MSI2: variants seen among roughly 807,000 people sequenced by gnomAD.
MSI2 encodes the protein RNA-binding protein Musashi homolog 2.
MSI2 carries 17 observed loss-of-function variants against 45.6 expected under a neutral mutation model. The ratio of observed to expected loss-of-function variants is 0.37; its 90% CI spans 0.26 to 0.56. MSI2 has a LOEUF of 0.56. MSI2 is among the 20% of genes least tolerant of loss of function. The probability of loss-of-function intolerance (pLI) is 0.77; values close to 1 mark genes in which losing one functional copy is unlikely to be tolerated. For synonymous variants in MSI2, 156 were observed against 158.2 expected (o/e 0.99, Z 0.11); for missense variants, 293 against 444.2 (o/e 0.66, Z 3.06).
intron 5 of MSI2, chr17:57,265,351 T>C (rs1907675018): frequency 6.6e-6 from 1 of 152,198 alleles, no homozygotes; most frequent in Non-Finnish European, 1.5e-5. Flanking sequence ...AATGAGTTTC[T>C]CTGCTTTCTG....
At chr17:57,555,441 C>T (rs148049554) in intron 7 of MSI2, among the ~76,000 whole-genome samples, 24 of 152,306 alleles carry the variant, frequency 1.6e-4, no homozygotes, top group African/African-American at 5.3e-4. Context: ...GCCTACCTCT[C>T]CATTCCCTGT....
chr17:57,682,447 A>G lies in MSI2; in HGVS notation c.*2930A>G, dbSNP rs998374576. 5.2e-6 allele frequency: 1 copy of G among 192,538 alleles called. No homozygotes were observed. Among genetic ancestry groups the G allele is most frequent in the African/African-American group, 2.3e-5 (1 of 42,964 alleles). 11.9% of individuals were successfully genotyped at this position (192,538 alleles called of 1,614,324 possible). On this transcript the variant is annotated 3_prime_UTR_variant, in exon 14 of 14. Transcript: ENST00000284073. Reference sequence around the variant, plus strand: ...ATGGTATATTAAAATGATTTTACTAAGAGAAAAAATATTTTTTTAAGAATG... The same window carrying G: ...ATGGTATATTAAAATGATTTTACTAGGAGAAAAAATATTTTTTTAAGAATG...
At chr17:57,664,432 T>C (rs1333180388) in intron 11 of MSI2, among the ~76,000 whole-genome samples, 6 of 151,924 alleles carry the variant, frequency 3.9e-5, no homozygotes, top group African/African-American at 1.5e-4. Context: ...GCAGGAGAAT[T>C]ACTTGAACCC....
intron 8 of MSI2, among the ~76,000 whole-genome samples, chr17:57,604,940 A>C (rs1906374981): frequency 1.6e-5 from 2 of 128,988 alleles, no homozygotes; most frequent in African/African-American, 2.9e-5. Context: ...ACCAGCCCAA[A>C]AGTGGTGGGT....
chr17:57,578,799 T>C (rs544807094), intron 7 of MSI2, among the ~76,000 whole-genome samples: 2 of 152,178 alleles, frequency 1.3e-5, no homozygotes, highest in South Asian at 4.2e-4. Flanking sequence ...CAGTAACAAA[T>C]CATTATAAAC....
the MSI2 span, among the ~76,000 whole-genome samples, chr17:57,698,927 G>GCA: frequency 7.2e-6 from 1 of 139,494 alleles, no homozygotes; most frequent in African/African-American, 3.3e-5. Flanking sequence ...GTGTGTGTGT[G>GCA]TGTGTGTGTG....
At chr17:57,261,227 G>C (rs1907275961) in intron 4 of MSI2, among the ~76,000 whole-genome samples, 1 of 152,166 alleles carries the variant, frequency 6.6e-6, no homozygotes, top group Non-Finnish European at 1.5e-5. Flanking sequence ...GCTAGACCCT[G>C]ATTGAGCATC....
intron 5 of MSI2, among the ~76,000 whole-genome samples, chr17:57,297,414 A>G (rs1387541412): frequency 2.0e-5 from 3 of 152,146 alleles, no homozygotes; most frequent in Non-Finnish European, 4.4e-5. Context: ...CCTAAAAAAC[A>G]ATGTGCATGC....
At position 57,427,425 on chromosome 17, in the gene MSI2, T is replaced by C. The variant is rs571411127; in HGVS notation, c.405+25954T>C. ...AAAAAAAAAAATAAATAAAAGAAAATAAAAGAAAAAATGTAAAGGCAGGAA... is the reference window on the plus strand; with the variant it reads ...AAAAAAAAAAATAAATAAAAGAAAACAAAAGAAAAAATGTAAAGGCAGGAA... On this transcript the variant is annotated intron_variant, in intron 6 of 13. Coordinates refer to ENST00000284073, the MANE Select transcript of MSI2 (RefSeq NM_138962.4). Among the ~76,000 whole-genome samples the C allele has an allele frequency of 5.3e-5, 8 of 150,362 alleles. No individual in the cohort carries two copies. In the South Asian group the frequency reaches 1.3e-3, roughly 24 times the overall value.
chr17:57,456,038 GC>G (rs1215777277), intron 6 of MSI2, among the ~76,000 whole-genome samples: 4 of 152,236 alleles, frequency 2.6e-5, no homozygotes, highest in Non-Finnish European at 5.9e-5. Flanking sequence ...CGCAGAGACA[GC>G]CCTCTTGAAA....
intron 6 of MSI2, among the ~76,000 whole-genome samples, chr17:57,467,607 G>T (rs1042282006): frequency 6.6e-6 from 1 of 152,106 alleles, no homozygotes; most frequent in African/African-American, 2.4e-5. Context: ...AAGAGGGATG[G>T]TGAGCACCTG....
At chr17:57,372,221 C>G (rs969900790) in intron 5 of MSI2, among the ~76,000 whole-genome samples, 1 of 152,176 alleles carries the variant, frequency 6.6e-6, no homozygotes, top group Non-Finnish European at 1.5e-5. Flanking sequence ...GCAAAGCTCT[C>G]TCTTTCGGGT....
intron 5 of MSI2, among the ~76,000 whole-genome samples, chr17:57,294,243 C>T (rs930690223): frequency 6.6e-6 from 1 of 152,126 alleles, no homozygotes; most frequent in African/African-American, 2.4e-5. Flanking sequence ...TCCGGTACCT[C>T]CTTTATCATA....
intron 6 of MSI2, among the ~76,000 whole-genome samples, chr17:57,512,964 CTTCCTTTT>C (rs1358561069): frequency 1.4e-4 from 6 of 44,278 alleles, no homozygotes; most frequent in African/African-American, 3.5e-4. Context: ...GAATTAGCTT[CTTCCTTTT>C]TTTTTTTTTT....
intron 5 of MSI2, among the ~76,000 whole-genome samples, chr17:57,371,180 A>G (rs2143961279): frequency 6.6e-6 from 1 of 152,362 alleles, no homozygotes; most frequent in East Asian, 1.9e-4. Flanking sequence ...ATTAAAAAAC[A>G]GAATAAAACA....
the MSI2 span, among the ~76,000 whole-genome samples, chr17:57,690,095 C>T: frequency 1.3e-5 from 2 of 150,676 alleles, no homozygotes; most frequent in African/African-American, 2.4e-5. Flanking sequence ...TACCACTAGA[C>T]ATTTTTCAGA....
intron 6 of MSI2, among the ~76,000 whole-genome samples, chr17:57,467,994 G>T (rs2085359707): frequency 1.3e-5 from 2 of 151,698 alleles, no homozygotes; most frequent in Admixed American, 6.6e-5. Context: ...TCACCTCCTT[G>T]GCTGTGTGGT....
At chr17:57,612,704 C>T (rs1907288204) in intron 8 of MSI2, among the ~76,000 whole-genome samples, 1 of 152,230 alleles carries the variant, frequency 6.6e-6, no homozygotes, top group South Asian at 2.1e-4. Context: ...GTTTAAAACA[C>T]TCCCATTACA....
intron 8 of MSI2, among the ~76,000 whole-genome samples, chr17:57,603,060 G>A (rs1906088519): frequency 6.6e-6 from 1 of 152,194 alleles, no homozygotes; most frequent in Non-Finnish European, 1.5e-5. Context: ...CAGGCCAAAT[G>A]GGGCCAAACC....
Sources: gnomAD v4.1 joint callset for allele counts (sites outside exome capture counted in the v4.1 genomes callset) on GRCh38, gnomAD v4.1.1 for gene constraint, MANE v1.5 for transcripts, NCBI Gene and HGNC (gene_info 2026-07-23, HGNC 2026-07-21) for gene names.